Variants in DDX23 observed in about 807,000 individuals in gnomAD.
The protein encoded by DDX23 is DEAD-box helicase 23, also known as probable ATP-dependent RNA helicase DDX23.
A neutral mutation model predicts 102.7 loss-of-function variants in DDX23; 33 were observed. That is an observed-to-expected ratio of 0.32 (90% CI 0.24 to 0.43). DDX23 has a LOEUF of 0.43. Among genes scored for constraint, DDX23 ranks in the 20% least tolerant of loss-of-function variants. DDX23 has a pLI of 1.00. For missense variants in DDX23, 549 were observed against 1,086.6 expected (o/e 0.51, Z 6.96); for synonymous variants, 352 against 376.0 (o/e 0.94, Z 0.74).
chr12:48,832,678 C>T lies in DDX23; in HGVS notation c.1804-105G>A. 7.1e-7 allele frequency: 1 copy of T among 1,410,280 alleles called. No homozygotes were observed. Among genetic ancestry groups the T allele is most frequent in the Non-Finnish European group, 9.5e-7 (1 of 1,051,746 alleles). The allele number at this position is 1,410,280 out of a possible 1,614,324, so 87.4% of individuals were successfully genotyped here. A position where few individuals can be genotyped will look rare whatever the true frequency, so the allele number is the denominator to read the frequency against. On this transcript the variant is annotated intron_variant, in intron 13 of 16. Coordinates refer to ENST00000308025, the MANE Select transcript of DDX23 (RefSeq NM_004818.3). This position sits in a 1 kb window ranked among gnomAD's most constrained non-coding sequence, Gnocchi z 4.4. ...AGACTAAAGAATCTAAAATGGGCCA[C>T]AGTATAGGCTTTGATAGCCACCACC...
chr12:48,849,365 G>C (rs895147411), intron 1 of DDX23, among the ~76,000 whole-genome samples: 1 of 151,782 alleles, frequency 6.6e-6, no homozygotes, highest in African/African-American at 2.4e-5. Context: ...TTTATAAACA[G>C]TTAAAAATCA....
chr12:48,846,417 T>C (rs559140170), intron 1 of DDX23, among the ~76,000 whole-genome samples: 1 of 152,330 alleles, frequency 6.6e-6, no homozygotes, highest in South Asian at 2.1e-4. Context: ...TTGAAGTTTA[T>C]TAGGTCTGCC....
intron 6 of DDX23, 29 bp from the exon 7 acceptor site, chr12:48,837,686 A>G: frequency 1.2e-6 from 2 of 1,613,542 alleles, no homozygotes; most frequent in Non-Finnish European, 1.7e-6. Flanking sequence ...AAAGCTGCAG[A>G]AGAGCTCATG....
At chr12:48,842,784 C>T (rs61941107) in intron 3 of DDX23, among the ~76,000 whole-genome samples, 12,080 of 152,256 alleles carry the variant, frequency 0.079, 654 homozygotes, top group Middle Eastern at 0.12. Context: ...CCCACCACCC[C>T]GTCTGGGAGG....
intron 11 of DDX23, chr12:48,835,353 A>G (rs1938454259): frequency 6.5e-6 from 1 of 154,126 alleles, no homozygotes; most frequent in African/African-American, 2.4e-5. Flanking sequence ...CAGGCAGATC[A>G]GTTGAGATCG....
intron 3 of DDX23, among the ~76,000 whole-genome samples, chr12:48,842,569 G>GCCAGCCGCCCCGT: frequency 6.7e-6 from 1 of 149,370 alleles, no homozygotes; most frequent in African/African-American, 2.5e-5. Flanking sequence ...CCCCCGCCCG[G>GCCAGCCGCCCCGT]CCAGCCGCCC....
chr12:48,842,736 G>A lies in DDX23; in HGVS notation c.320+1204C>T, dbSNP rs867398787. On this transcript the variant is annotated intron_variant, in intron 3 of 16. Transcript: ENST00000308025. ...CAGGAGGTGAGGGGCGCCTCTGCCC[G>A]GCCGCCCCTACTGGGAAGTGAGGAG... is the stretch of plus-strand genomic sequence containing the variant. 1.2e-3 allele frequency among the ~76,000 whole-genome samples: 179 copies of A among 151,688 alleles called. 2 individuals are homozygous for A. The highest frequency in any genetic ancestry group is 4.2e-3 in the African/African-American group (173 of 41,352).
At chr12:48,834,626 G>T in intron 11 of DDX23, 129 bp from the exon 12 acceptor site, 1 of 883,432 alleles carries the variant, frequency 1.1e-6, no homozygotes, top group Non-Finnish European at 1.7e-6. Context: ...AGAATGCAAT[G>T]ATCTCACTTA....
chr12:48,848,011 C>T (rs371859823), intron 1 of DDX23, among the ~76,000 whole-genome samples: 2 of 151,168 alleles, frequency 1.3e-5, no homozygotes, highest in East Asian at 2.0e-4. Context: ...TCATGCTGGG[C>T]GTGGTGGCTC....
Position 48,829,866 on chromosome 12 carries a change from C to T in DDX23, c.*603G>A, listed in dbSNP as rs114420242. On this transcript the variant is annotated 3_prime_UTR_variant, in exon 17 of 17. Coordinates refer to ENST00000308025, the MANE Select transcript of DDX23 (RefSeq NM_004818.3). Reference sequence around the variant, plus strand: ...ACAAAGATGGACACAGCCAGTTCACCGTGTCCCCCCATCTACTTAGAAAAT... The same window carrying T: ...ACAAAGATGGACACAGCCAGTTCACTGTGTCCCCCCATCTACTTAGAAAAT... The T allele has an allele frequency of 1.8e-3, 429 of 241,574 alleles. 6 individuals carry two copies. Among genetic ancestry groups the T allele is most frequent in the African/African-American group, 8.9e-3 (401 of 44,826 alleles). The allele number at this position is 241,574 out of a possible 1,614,324, so 15.0% of individuals were successfully genotyped here.
intron 3 of DDX23, among the ~76,000 whole-genome samples, chr12:48,843,464 A>G (rs918022784): frequency 6.6e-6 from 1 of 151,468 alleles, no homozygotes; most frequent in African/African-American, 2.4e-5. Flanking sequence ...CTGCCTCAAA[A>G]AAATAAATAA....
chr12:48,842,982 TG>T (rs1938594802), intron 3 of DDX23, among the ~76,000 whole-genome samples: 1 of 146,930 alleles, frequency 6.8e-6, no homozygotes. Flanking sequence ...GGGATCCTGT[TG>T]ATCTGTGACC....
chr12:48,835,467 T>C (rs1258673088), intron 11 of DDX23, among the ~76,000 whole-genome samples: 2 of 152,066 alleles, frequency 1.3e-5, no homozygotes, highest in African/African-American at 2.4e-5. Context: ...TCCAACACTT[T>C]GGGAGGCTGA....
In DDX23 at chr12:48,832,552, T is replaced by A. The variant is rs777107191; in HGVS notation, c.1825A>T (p.Met609Leu). The A allele has an allele frequency of 6.2e-7, 1 of 1,614,104 alleles. No homozygotes were observed. The highest frequency in any genetic ancestry group is 8.5e-7 in the Non-Finnish European group (1 of 1,179,984). ...GCCAGACGCTCCACCGCTGGGGGCA[T>A]GGTGGCCGTGAACATGACTGTCTAC... ...YRQTVMFTAT[M>L]PPAVERLARS... The change falls in exon 14 of 17, where the codon ATG (methionine) becomes TTG (leucine). Residue 609 changes from methionine (M) to leucine (L), a missense_variant. Physicochemically the swap from Met to Leu is conservative, Grantham distance 15. This residue lies in a region of DDX23 where 270 missense variants were observed against 707.0 expected (regional missense o/e 0.38). Coordinates refer to ENST00000308025, the MANE Select transcript of DDX23 (RefSeq NM_004818.3). The surrounding 1 kb of genome is among the most constrained non-coding windows in gnomAD (Gnocchi z 4.4).
intron 1 of DDX23, among the ~76,000 whole-genome samples, chr12:48,848,210 C>T (rs1398510738): frequency 2.0e-5 from 3 of 151,692 alleles, no homozygotes; most frequent in South Asian, 2.1e-4. Flanking sequence ...GGCGTGAACC[C>T]GGGAGGCAGA....
intron 5 of DDX23, among the ~76,000 whole-genome samples, chr12:48,838,442 C>G (rs764668830): frequency 1.3e-5 from 2 of 152,016 alleles, no homozygotes; most frequent in African/African-American, 2.4e-5. Context: ...CCCAGCTACT[C>G]AGGAGGCTGA....
At chr12:48,839,003 G>C (rs1351216368) in intron 5 of DDX23, among the ~76,000 whole-genome samples, 2 of 152,080 alleles carry the variant, frequency 1.3e-5, no homozygotes, top group African/African-American at 4.8e-5. Context: ...AGCCTCCTGA[G>C]TAGCTGGGAC....
At chr12:48,845,808 C>A (rs1938658099) in intron 1 of DDX23, 26 bp from the exon 2 acceptor site, 15 of 1,609,506 alleles carry the variant, frequency 9.3e-6, no homozygotes, top group African/African-American at 1.3e-5. Context: ...AGAGTACTTA[C>A]AATGTACTAG....
rs1468813410 is a variant in DDX23, at chr12:48,833,375, G to A, written c.1705C>T (p.His569Tyr). 2 of 1,614,160 alleles carry A rather than the reference G, an allele frequency of 1.2e-6. No individual in the cohort carries two copies. Among genetic ancestry groups the A allele is most frequent in the Non-Finnish European group, 8.5e-7 (1 of 1,180,034 alleles). ...FEPDVQKILE[H>Y]MPVSNQKPDT... ...GGCTTCTGGTTGCTGACAGGCATGT[G>A]CTCCAGGATCTTCTGGACATCTGGC... is the stretch of plus-strand genomic sequence containing the variant. The change falls in exon 13 of 17, where the codon CAC becomes TAC. Residue 569 changes from histidine to tyrosine, a missense_variant. Transcript: ENST00000308025.
Sources: allele counts gnomAD v4.1 joint callset (sites outside exome capture counted in the v4.1 genomes callset), GRCh38; gene constraint gnomAD v4.1.1; regional missense constraint gnomAD v4.1.1; non-coding constraint Gnocchi (gnomAD v3.1); transcripts MANE v1.5; gene names NCBI Gene and HGNC (gene_info 2026-07-23, HGNC 2026-07-21).